Variants in BICDL1 observed in about 807,000 individuals in gnomAD.
BICDL1 encodes the protein BICD family like cargo adaptor 1, also known as BICD family-like cargo adapter 1.
A neutral mutation model predicts 76.8 loss-of-function variants in BICDL1; 20 were observed. The ratio of observed to expected loss-of-function variants is 0.26; its 90% CI spans 0.18 to 0.38. BICDL1 has a LOEUF of 0.38. BICDL1 is among the 10% of genes least tolerant of loss of function. The pLI is 1.00. For missense variants in BICDL1, 700 were observed against 798.6 expected, an observed-to-expected ratio of 0.88 and a Z score of 1.49; for synonymous variants, 383 against 337.1, an observed-to-expected ratio of 1.14 and a Z score of -1.49.
intron 2 of BICDL1, among the ~76,000 whole-genome samples, chr12:120,054,101 C>T (rs1178730840): frequency 2.7e-5 from 4 of 149,120 alleles, no homozygotes; most frequent in Non-Finnish European, 5.9e-5. Context: ...GAGACAGAGT[C>T]TCGCTCTGTC....
intron 2 of BICDL1, among the ~76,000 whole-genome samples, chr12:120,027,031 T>C (rs1014883791): frequency 4.8e-5 from 7 of 146,136 alleles, no homozygotes; most frequent in South Asian, 2.2e-4. Flanking sequence ...TAATTTCTTT[T>C]TTTTTTTTTT....
chr12:120,091,392 G>A, intron 9 of BICDL1: 3 of 1,011,036 alleles, frequency 3.0e-6, no homozygotes, highest in Non-Finnish European at 3.6e-6. Context: ...AACATTGGCA[G>A]CTTTGAAAGG....
intron 9 of BICDL1, chr12:120,091,735 A>G (rs1296940893): frequency 1.0e-6 from 1 of 985,258 alleles, no homozygotes; most frequent in Non-Finnish European, 1.2e-6. Flanking sequence ...TGACTCAGGA[A>G]GGCCCCTTTG....
chr12:120,064,931 A>T, intron 4 of BICDL1, 52 bp downstream of exon 4: 1 of 1,539,386 alleles, frequency 6.5e-7, no homozygotes, highest in Non-Finnish European at 8.7e-7. Flanking sequence ...TAAAAGGAGC[A>T]CTTAGCCAAA....
intron 2 of BICDL1, among the ~76,000 whole-genome samples, chr12:120,010,121 G>C (rs1469165979): frequency 6.6e-6 from 1 of 152,224 alleles, no homozygotes; most frequent in Admixed American, 6.5e-5. Flanking sequence ...TGTGCTGCCA[G>C]CTTTGCCTGA....
chr12:120,031,092 C>T (rs1952413292), intron 2 of BICDL1, among the ~76,000 whole-genome samples: 1 of 152,094 alleles, frequency 6.6e-6, no homozygotes, highest in Non-Finnish European at 1.5e-5. Flanking sequence ...TTCCCCAACA[C>T]TTTATTAAAA....
intron 7 of BICDL1, among the ~76,000 whole-genome samples, chr12:120,078,259 G>C (rs1873717346): frequency 6.6e-6 from 1 of 152,226 alleles, no homozygotes; most frequent in African/African-American, 2.4e-5. Flanking sequence ...TAGACCCCAT[G>C]AGGATGAGCT....
rs1378428482 is a variant in BICDL1 at position 120,094,434 on chromosome 12, ACAG to A, written c.*1276_*1278del. The A allele has an allele frequency of 3.0e-6, 1 of 328,356 alleles. No individual in the cohort carries two copies. The highest frequency in any genetic ancestry group is 2.2e-5 in the African/African-American group (1 of 46,380). The allele number at this position is 328,356 out of a possible 1,614,324, so 20.3% of individuals were successfully genotyped here. A position where few individuals can be genotyped will look rare whatever the true frequency, so the allele number is the denominator to read the frequency against. On this transcript the variant is annotated 3_prime_UTR_variant, in exon 10 of 10. Coordinates refer to ENST00000548673, the MANE Select transcript of BICDL1 (RefSeq NM_001367886.1). Reference sequence around the variant, plus strand: ...TCTATAAAGGCATATTTTTAGAAAAACAGCACACCACTGCTTCTTTTGAAAATA... The same window carrying A: ...TCTATAAAGGCATATTTTTAGAAAAACACACCACTGCTTCTTTTGAAAATA...
At chr12:120,032,398 G>A (rs1047953546) in intron 2 of BICDL1, among the ~76,000 whole-genome samples, 10 of 152,288 alleles carry the variant, frequency 6.6e-5, no homozygotes, top group African/African-American at 2.4e-4. Context: ...TCACTTTTAA[G>A]CTGACTGGTG....
intron 4 of BICDL1, among the ~76,000 whole-genome samples, chr12:120,069,588 C>A (rs1189326113): frequency 6.6e-6 from 1 of 152,192 alleles, no homozygotes; most frequent in African/African-American, 2.4e-5. Flanking sequence ...AGGGCCTTGC[C>A]TCTAATGGTT....
intron 1 of BICDL1, among the ~76,000 whole-genome samples, chr12:119,991,346 A>C (rs1181506143): frequency 6.6e-6 from 1 of 152,270 alleles, no homozygotes; most frequent in Non-Finnish European, 1.5e-5. Flanking sequence ...TTGAACAGTC[A>C]GAATGGAAAT....
intron 2 of BICDL1, among the ~76,000 whole-genome samples, chr12:120,009,317 C>T (rs1398089520): frequency 1.3e-5 from 2 of 152,068 alleles, no homozygotes; most frequent in Non-Finnish European, 2.9e-5. Flanking sequence ...CCGAGAGAGC[C>T]ATGCCTGATT....
At chr12:120,032,127 C>T (rs1271472421) in intron 2 of BICDL1, among the ~76,000 whole-genome samples, 2 of 152,110 alleles carry the variant, frequency 1.3e-5, no homozygotes, top group Non-Finnish European at 2.9e-5. Flanking sequence ...CTTCCCTTCA[C>T]CCCATTATGT....
chr12:120,013,078 A>G (rs1460269527), intron 2 of BICDL1, among the ~76,000 whole-genome samples: 2 of 152,150 alleles, frequency 1.3e-5, no homozygotes, highest in Non-Finnish European at 2.9e-5. Flanking sequence ...TGGGAGGCCA[A>G]GGCGGGTGGA....
At chr12:120,078,192 CCT>C (rs1243542435) in intron 7 of BICDL1, among the ~76,000 whole-genome samples, 3 of 152,182 alleles carry the variant, frequency 2.0e-5, no homozygotes, top group African/African-American at 7.2e-5. Flanking sequence ...ATGGAGCACC[CCT>C]GTCTCTGTCT....
intron 8 of BICDL1, among the ~76,000 whole-genome samples, chr12:120,086,334 C>G (rs758511418): frequency 6.6e-6 from 1 of 152,200 alleles, no homozygotes; most frequent in Non-Finnish European, 1.5e-5. Flanking sequence ...AAAGAGGAAA[C>G]CACACCCCCC....
rs750780310 is a variant in BICDL1, at chr12:120,093,130, A to G, written c.1835A>G (p.Lys612Arg). The change falls in exon 10 of 10, where the codon AAA (lysine) becomes AGA (arginine). Residue 612 changes from lysine to arginine, a missense_variant. Physicochemically the swap from Lys to Arg is conservative, Grantham distance 26. Around this residue, in one of 3 missense-constraint regions of BICDL1, gnomAD observed 455 missense variants for 548.7 expected, o/e 0.83. Coordinates refer to ENST00000548673, the MANE Select transcript of BICDL1 (RefSeq NM_001367886.1). ...GATGAGCCCAGCATCGCTGAAGGCAAACGACTCTTCTCATTCTTCAGGAAA... is the reference window on the plus strand; with the variant it reads ...GATGAGCCCAGCATCGCTGAAGGCAGACGACTCTTCTCATTCTTCAGGAAA... ...RGDEPSIAEG[K>R]RLFSFFRKI 1 of 1,567,824 alleles carries G rather than the reference A, an allele frequency of 6.4e-7. No homozygotes were observed. Among genetic ancestry groups the G allele is most frequent in the African/African-American group, 1.4e-5 (1 of 73,150 alleles).
intron 4 of BICDL1, among the ~76,000 whole-genome samples, chr12:120,066,066 A>G (rs974339921): frequency 2.0e-5 from 3 of 152,246 alleles, no homozygotes; most frequent in Non-Finnish European, 4.4e-5. Flanking sequence ...TTCAAGGTTG[A>G]TGATAATAAT....
rs1875148070 is a variant in BICDL1 at position 120,093,311 on chromosome 12, G to A, written c.*150G>A. The stretch of plus-strand genomic sequence containing the variant: ...GGTCCGGGAGGGCCTGCTCCCTTTC[G>A]TCGGTGGGGATGGAGACCTAGAGGT... On this transcript the variant is annotated 3_prime_UTR_variant, in exon 10 of 10. Transcript: ENST00000548673. 1.3e-5 allele frequency: 12 copies of A among 897,268 alleles called. No homozygotes were observed. The highest frequency in any genetic ancestry group is 5.1e-5 in the South Asian group (3 of 58,626). The allele number at this position is 897,268 out of a possible 1,614,324, so 55.6% of individuals were successfully genotyped here.
Sources: allele counts gnomAD v4.1 joint callset (sites outside exome capture counted in the v4.1 genomes callset), GRCh38; gene constraint gnomAD v4.1.1; regional missense constraint gnomAD v4.1.1; transcripts MANE v1.5; gene names NCBI Gene and HGNC (gene_info 2026-07-23, HGNC 2026-07-21).